Variants in CHRD observed in about 807,000 individuals in gnomAD.
CHRD encodes chordin.
A neutral mutation model predicts 113.7 loss-of-function variants in CHRD; 69 were observed. That is an observed-to-expected ratio of 0.61 (90% CI 0.50 to 0.74). The LOEUF (loss-of-function observed/expected upper bound fraction) is 0.74. Among genes scored for constraint, CHRD ranks in the 30% least tolerant of loss-of-function variants. CHRD has a pLI of 0.00. For synonymous variants in CHRD, 561 were observed against 540.8 expected (o/e 1.04, Z -0.52); for missense variants, 1,194 against 1,295.8 (o/e 0.92, Z 1.21).
At position 184,382,373 on chromosome 3, in the gene CHRD, T is replaced by C. The variant is rs1487579469; in HGVS notation, c.700-16T>C. 6.2e-7 allele frequency: 1 copy of C among 1,614,014 alleles called. No individual in the cohort carries two copies. The highest frequency in any genetic ancestry group is 8.5e-7 in the Non-Finnish European group (1 of 1,179,996). ...ACAGTGTCTGAGCGTAGGGCCTTCT[T>C]GTCTCTCTGCTCCAGGTCTGTGGGG... On this transcript the variant is annotated splice_polypyrimidine_tract_variant and intron_variant, in intron 6 of 22. Coordinates refer to ENST00000204604, the Ensembl canonical transcript of CHRD.
At chr3:184,382,320 C>T in intron 6 of CHRD, 69 bp from the exon 7 acceptor site, 4 of 1,596,278 alleles carry the variant, frequency 2.5e-6, no homozygotes, top group Non-Finnish European at 3.4e-6. Flanking sequence ...ATAAGCCCTG[C>T]CTGGGCATCC....
chr3:184,380,293 T>C lies in CHRD; in HGVS notation c.-26T>C, dbSNP rs1408210233. The C allele has an allele frequency of 2.1e-6, 2 of 936,082 alleles. No individual in the cohort carries two copies. The highest frequency in any genetic ancestry group is 2.6e-6 in the Non-Finnish European group (2 of 761,788). 58.0% of individuals were successfully genotyped at this position (936,082 alleles called of 1,614,324 possible). Reference sequence around the variant, plus strand: ...CCGCTCCCGCGCCCTCCTCCCTCCCTCCTCCCCAGCTGTCCCGTTCGCGTC... The same window carrying C: ...CCGCTCCCGCGCCCTCCTCCCTCCCCCCTCCCCAGCTGTCCCGTTCGCGTC... On this transcript the variant is annotated 5_prime_UTR_variant, in exon 1 of 23. Coordinates refer to ENST00000204604, the Ensembl canonical transcript of CHRD. This position sits in a 1 kb window ranked among gnomAD's most constrained non-coding sequence, Gnocchi z 6.3.
Position 184,380,770 on chromosome 3 carries a change from G to A in CHRD, c.227G>A (p.Arg76His), listed in dbSNP as rs1236444255. 1.3e-6 allele frequency: 2 copies of A among 1,598,934 alleles called. No individual in the cohort carries two copies. The highest frequency in any genetic ancestry group is 3.4e-5 in the Admixed American group (2 of 59,274). The stretch of plus-strand genomic sequence containing the variant: ...CTAGGGGAGCCATTCGGGGTGATGC[G>A]CTGCGTGCTGTGCGCCTGCGAGGCG... The change falls in exon 2 of 23, where the codon CGC becomes CAC. Residue 76 changes from arginine to histidine, a missense_variant. By Grantham distance (29) the Arg-to-His change is conservative. Transcript: ENST00000204604. This position sits in a 1 kb window ranked among gnomAD's most constrained non-coding sequence, Gnocchi z 6.3.
In CHRD at chr3:184,380,802, G is replaced by T. The variant is rs750637775; in HGVS notation, c.252+7G>T. The T allele has an allele frequency of 6.3e-7, 1 of 1,577,984 alleles. No homozygotes were observed. The highest frequency in any genetic ancestry group is 2.3e-5 in the East Asian group (1 of 44,104). On this transcript the variant is annotated splice_region_variant and intron_variant, in intron 2 of 22. Coordinates refer to ENST00000204604, the Ensembl canonical transcript of CHRD. This position sits in a 1 kb window ranked among gnomAD's most constrained non-coding sequence, Gnocchi z 6.3. ...GCTGTGCGCCTGCGAGGCGGTGAGT[G>T]CACCCCGCGGCCGGCCCGGGCCCTG...
In CHRD at chr3:184,381,131, G is replaced by C. The variant is rs748698578; in HGVS notation, c.253-104G>C. On this transcript the variant is annotated intron_variant, in intron 2 of 22. Coordinates refer to ENST00000204604, the Ensembl canonical transcript of CHRD. The surrounding 1 kb of genome is among the most constrained non-coding windows in gnomAD (Gnocchi z 4.7). Reference sequence around the variant, plus strand: ...TAGCTTGTCTAGGGTCACGCAGCTTGTAAGTGGCAGAGCTGGCTGACTCTG... The same window carrying C: ...TAGCTTGTCTAGGGTCACGCAGCTTCTAAGTGGCAGAGCTGGCTGACTCTG... 3 of 1,337,002 alleles carry C rather than the reference G, an allele frequency of 2.2e-6. No homozygotes were observed. The highest frequency in any genetic ancestry group is 3.2e-6 in the Non-Finnish European group (3 of 934,958). 82.8% of individuals were successfully genotyped at this position (1,337,002 alleles called of 1,614,324 possible).
At chr3:184,385,060 T>G in exon 14 of CHRD, 1 of 1,614,056 alleles carries the variant, frequency 6.2e-7, no homozygotes, top group Non-Finnish European at 8.5e-7. Context: ...CTACCCCCTG[T>G]GAAGAGCCAA....
chr3:184,388,935 C>G lies in CHRD; in HGVS notation c.2752C>G (p.Leu918Val). 6.2e-7 allele frequency: 1 copy of G among 1,613,406 alleles called. No homozygotes were observed. The highest frequency in any genetic ancestry group is 2.2e-5 in the East Asian group (1 of 44,864). The change falls in exon 22 of 23, where the codon CTG becomes GTG. Residue 918 changes from leucine to valine, a missense_variant. Coordinates refer to ENST00000204604, the Ensembl canonical transcript of CHRD. This position sits in a 1 kb window ranked among gnomAD's most constrained non-coding sequence, Gnocchi z 6.1. ...TGAGCGGGATGACTGTTCACTGCCA[C>G]TGTCCTGTGGCTCGGGGAAGGAGAG...
chr3:184,386,553 G>T, exon 16 of CHRD: 2 of 1,544,870 alleles, frequency 1.3e-6, no homozygotes, highest in Non-Finnish European at 1.7e-6. Flanking sequence ...GGGGCCGAGG[G>T]GGTGCGGGCG....
In CHRD at chr3:184,387,602, A is replaced by T. The variant is rs1716536837; in HGVS notation, c.2451+125A>T. On this transcript the variant is annotated intron_variant, in intron 19 of 22. Coordinates refer to ENST00000204604, the Ensembl canonical transcript of CHRD. This position sits in a 1 kb window ranked among gnomAD's most constrained non-coding sequence, Gnocchi z 6.1. ...CTCAAGAATCAAAACGATATGAGAAAAGGCCCTTGCGCTCTGAGAGTCGGC... is the reference window on the plus strand; with the variant it reads ...CTCAAGAATCAAAACGATATGAGAATAGGCCCTTGCGCTCTGAGAGTCGGC... 1 of 895,422 alleles carries T rather than the reference A, an allele frequency of 1.1e-6. No homozygotes were observed. The highest frequency in any genetic ancestry group is 2.7e-5 in the East Asian group (1 of 37,528). 55.5% of individuals were successfully genotyped at this position (895,422 alleles called of 1,614,324 possible). A position where few individuals can be genotyped will look rare whatever the true frequency, so the allele number is the denominator to read the frequency against.
At chr3:184,386,805 G>T (rs1228844873) in intron 16 of CHRD, 40 bp from the exon 17 acceptor site, 1 of 1,613,882 alleles carries the variant, frequency 6.2e-7, no homozygotes, top group Non-Finnish European at 8.5e-7. Flanking sequence ...GGAGCAAGGG[G>T]CCTGGACACT....
exon 7 of CHRD, chr3:184,382,396 G>C (rs1266713936): frequency 3.1e-6 from 5 of 1,614,078 alleles, no homozygotes; most frequent in East Asian, 4.5e-5. Flanking sequence ...CAGGTCTGTG[G>C]GGTGTGGCGG....
rs1339036364 is a variant in CHRD at position 184,380,638 on chromosome 3, G to A, written c.149-54G>A. On this transcript the variant is annotated intron_variant, in intron 1 of 22. Transcript: ENST00000204604. The surrounding 1 kb of genome is among the most constrained non-coding windows in gnomAD (Gnocchi z 6.3). The stretch of plus-strand genomic sequence containing the variant: ...CCCGGGACCCGCGGGCAGCCCCCGG[G>A]GCGGCACACGGCGCGAGCTGGGCAG... 1.5e-5 allele frequency: 21 copies of A among 1,413,788 alleles called. No individual in the cohort carries two copies. The highest frequency in any genetic ancestry group is 1.9e-5 in the Non-Finnish European group (20 of 1,067,384). 87.6% of individuals were successfully genotyped at this position (1,413,788 alleles called of 1,614,324 possible).
At chr3:184,390,259 C>G (rs1401143537), downstream of CHRD, 1 of 132,510 alleles carries the variant, frequency 7.5e-6, no homozygotes, top group Non-Finnish European at 1.6e-5. Flanking sequence ...CCTTCCCTCT[C>G]CCTTCCCTTC....
rs772546291 is a variant in CHRD at position 184,384,529 on chromosome 3, G to A, written c.1441-8G>A. 4 of 1,515,390 alleles carry A rather than the reference G, an allele frequency of 2.6e-6. No homozygotes were observed. In the South Asian group the frequency reaches 4.0e-5, roughly 15 times the overall value. The allele number at this position is 1,515,390 out of a possible 1,614,324, so 93.9% of individuals were successfully genotyped here. A position where few individuals can be genotyped will look rare whatever the true frequency, so the allele number is the denominator to read the frequency against. Reference sequence around the variant, plus strand: ...GAGCTGAGAAGGCCTATCCTCCCCTGCCCCCAGGCCGTGGGTATCTGCCCT... The same window carrying A: ...GAGCTGAGAAGGCCTATCCTCCCCTACCCCCAGGCCGTGGGTATCTGCCCT... On this transcript the variant is annotated splice_polypyrimidine_tract_variant and splice_region_variant and intron_variant, in intron 12 of 22. Coordinates refer to ENST00000204604, the Ensembl canonical transcript of CHRD. This position sits in a 1 kb window ranked among gnomAD's most constrained non-coding sequence, Gnocchi z 4.4.
chr3:184,381,191 G>C lies in CHRD; in HGVS notation c.253-44G>C. On this transcript the variant is annotated intron_variant, in intron 2 of 22. Coordinates refer to ENST00000204604, the Ensembl canonical transcript of CHRD. This position sits in a 1 kb window ranked among gnomAD's most constrained non-coding sequence, Gnocchi z 4.7. ...CTTGCCTGGGGGGGTCTCATCAGTTGGCATCTTGCACTCACTTGGGTTTCC... is the reference window on the plus strand; with the variant it reads ...CTTGCCTGGGGGGGTCTCATCAGTTCGCATCTTGCACTCACTTGGGTTTCC... 6.2e-7 allele frequency: 1 copy of C among 1,610,494 alleles called. No homozygotes were observed. The highest frequency in any genetic ancestry group is 8.5e-7 in the Non-Finnish European group (1 of 1,178,746).
At position 184,388,804 on chromosome 3, in the gene CHRD, C is replaced by T. The variant is rs1716778928; in HGVS notation, c.2709+63C>T. The stretch of plus-strand genomic sequence containing the variant: ...GGGAGCCTGGTCTGGAGTAGGGAGA[C>T]CTTCCCAGGGAGGTCCCTGAAGAAG... On this transcript the variant is annotated intron_variant, in intron 21 of 22. Coordinates refer to ENST00000204604, the Ensembl canonical transcript of CHRD. The surrounding 1 kb of genome is among the most constrained non-coding windows in gnomAD (Gnocchi z 6.1). The T allele has an allele frequency of 1.2e-6, 2 of 1,606,492 alleles. No homozygotes were observed. The highest frequency in any genetic ancestry group is 1.7e-5 in the Admixed American group (1 of 59,824).
chr3:184,389,525 T>C, exon 23 of CHRD: 2 of 1,045,138 alleles, frequency 1.9e-6, no homozygotes, highest in Non-Finnish European at 2.9e-6. Flanking sequence ...CCCAGTGCCT[T>C]TGCTCCTCTG....
At position 184,381,147 on chromosome 3, in the gene CHRD, G is replaced by A. The variant is rs1018901596; in HGVS notation, c.253-88G>A. ...ACGCAGCTTGTAAGTGGCAGAGCTG[G>A]CTGACTCTGCGGGACATCCTTGCCT... On this transcript the variant is annotated intron_variant, in intron 2 of 22. Coordinates refer to ENST00000204604, the Ensembl canonical transcript of CHRD. The surrounding 1 kb of genome is among the most constrained non-coding windows in gnomAD (Gnocchi z 4.7). 6.8e-7 allele frequency: 1 copy of A among 1,478,020 alleles called. No individual in the cohort carries two copies. Among genetic ancestry groups the A allele is most frequent in the East Asian group, 2.3e-5 (1 of 44,258 alleles). The allele number at this position is 1,478,020 out of a possible 1,614,324, so 91.6% of individuals were successfully genotyped here.
At position 184,380,410 on chromosome 3, in the gene CHRD, C is replaced by G; in HGVS notation, c.92C>G (p.Pro31Arg). The G allele has an allele frequency of 1.5e-6, 2 of 1,337,984 alleles. No homozygotes were observed. Among genetic ancestry groups the G allele is most frequent in the Non-Finnish European group, 9.7e-7 (1 of 1,035,976 alleles). The allele number at this position is 1,337,984 out of a possible 1,614,324, so 82.9% of individuals were successfully genotyped here. The change falls in exon 1 of 23, where the codon CCC becomes CGC. Residue 31 changes from proline to arginine, a missense_variant. Physicochemically the swap from Pro to Arg is moderately radical, Grantham distance 103 (BLOSUM62 -2). Transcript: ENST00000204604. The surrounding 1 kb of genome is among the most constrained non-coding windows in gnomAD (Gnocchi z 6.3). ...CCGGCCCGCGGCGCCGGCCCAGAGCCCCCCGTGCTGCCCATCCGTTCTGAG... is the reference window on the plus strand; with the variant it reads ...CCGGCCCGCGGCGCCGGCCCAGAGCGCCCCGTGCTGCCCATCCGTTCTGAG...
Sources: allele counts gnomAD v4.1 joint callset, GRCh38; gene constraint gnomAD v4.1.1; non-coding constraint Gnocchi (gnomAD v3.1); transcripts MANE v1.5; gene names NCBI Gene and HGNC (gene_info 2026-07-23, HGNC 2026-07-21).